The following ABL1 variants were observed in gnomAD, a reference collection of about 807,000 sequenced individuals.
ABL1 encodes ABL proto-oncogene 1, non-receptor tyrosine kinase, also known as tyrosine-protein kinase ABL1.
In ABL1, 11 loss-of-function variants were observed where a neutral mutation model predicts 94.7. That is an observed-to-expected ratio of 0.12 (90% CI 0.07 to 0.19). ABL1 has a LOEUF of 0.19. ABL1 is among the 10% of genes least tolerant of loss of function. The pLI, the probability that ABL1 is intolerant of heterozygous loss-of-function variation, is 1.00. For synonymous variants in ABL1, 656 were observed against 622.4 expected (o/e 1.05, Z -0.80); for missense variants, 1,082 against 1,489.4 (o/e 0.73, Z 4.50).
chr9:130,771,649 T>C (rs1443145070), intron 1 of ABL1, among the ~76,000 whole-genome samples: 1 of 152,090 alleles, frequency 6.6e-6, no homozygotes, highest in African/African-American at 2.4e-5. Context: ...ATTTTTAACC[T>C]AATGTGTTCT....
intron 3 of ABL1, among the ~76,000 whole-genome samples, chr9:130,861,659 G>A (rs1831073918): frequency 6.6e-6 from 1 of 151,930 alleles, no homozygotes; most frequent in Non-Finnish European, 1.5e-5. Flanking sequence ...TCCCAAATCT[G>A]CTCCTTCTTC....
In ABL1 at chr9:130,819,234, C is replaced by T. The variant is rs566904192; in HGVS notation, c.137-34830C>T. Among the ~76,000 whole-genome samples, 167 of 152,208 alleles carry T rather than the reference C, an allele frequency of 1.1e-3. 1 individual carries two copies. Among genetic ancestry groups the T allele is most frequent in the African/African-American group, 3.8e-3 (156 of 41,564 alleles). ...GAGCGTGGTGGCACATGCCTGTAGT[C>T]CCAGCTACTCGGGAGGCTGAGGCAG... On this transcript the variant is annotated intron_variant, in intron 1 of 10. Coordinates refer to the ABL1 transcript ENST00000372348.
chr9:130,794,871 G>C (rs1049864814), intron 1 of ABL1, among the ~76,000 whole-genome samples: 1 of 152,186 alleles, frequency 6.6e-6, no homozygotes, highest in East Asian at 1.9e-4. Flanking sequence ...TGACAAAAGT[G>C]TGCATTTTAG....
intron 1 of ABL1, among the ~76,000 whole-genome samples, chr9:130,772,234 C>T (rs1377841921): frequency 6.6e-6 from 1 of 152,176 alleles, no homozygotes; most frequent in Non-Finnish European, 1.5e-5. Flanking sequence ...CTGGTCTGGT[C>T]AGCTCACCTG....
chr9:130,878,480 T>C lies in ABL1; in HGVS notation c.1336T>C (p.Ser446Pro). Residue 446 changes from serine (S) to proline (P), a missense_variant, in exon 8 of 11, where the codon TCC becomes CCC. Physicochemically the swap from Ser to Pro is moderately conservative, Grantham distance 74. Transcript: ENST00000318560. The part of the protein sequence containing the change: ...GMSPYPGIDL[S>P]QVYELLEKDY... The stretch of plus-strand genomic sequence containing the variant: ...GTCCCCTTACCCGGGAATTGACCTG[T>C]CCCAGGTGTATGAGCTGCTAGAGAA... The C allele has an allele frequency of 6.2e-7, 1 of 1,614,226 alleles. No individual in the cohort carries two copies. The highest frequency in any genetic ancestry group is 8.5e-7 in the Non-Finnish European group (1 of 1,180,034).
chr9:130,778,575 T>C (rs1287624473), intron 1 of ABL1, among the ~76,000 whole-genome samples: 1 of 152,056 alleles, frequency 6.6e-6, no homozygotes, highest in Non-Finnish European at 1.5e-5. Context: ...ATCTTCATGT[T>C]TGGGGCTCTT....
chr9:130,861,142 C>T (rs78239992), intron 3 of ABL1, among the ~76,000 whole-genome samples: 1,886 of 152,274 alleles, frequency 0.012, 47 homozygotes, highest in African/African-American at 0.043. Context: ...ATTCAGCGGT[C>T]CTGTCTTGCA....
chr9:130,743,788 G>C (rs1831849684), intron 1 of ABL1, among the ~76,000 whole-genome samples: 1 of 152,102 alleles, frequency 6.6e-6, no homozygotes, highest in Admixed American at 6.6e-5. Flanking sequence ...CTGTGATTGA[G>C]ACATGGTCAC....
chr9:130,828,427 G>A (rs1038255927), intron 1 of ABL1, among the ~76,000 whole-genome samples: 1 of 152,224 alleles, frequency 6.6e-6, no homozygotes, highest in African/African-American at 2.4e-5. Context: ...AACAGAAGAT[G>A]TGGAAAATTG....
chr9:130,862,585 TAG>T lies in ABL1; in HGVS notation c.550-175_550-174del, dbSNP rs1175444980. Among the ~76,000 whole-genome samples the T allele has an allele frequency of 2.0e-5, 3 of 152,106 alleles. No homozygotes were observed. The highest frequency in any genetic ancestry group is 4.4e-5 in the Non-Finnish European group (3 of 68,024). On this transcript the variant is annotated intron_variant, in intron 3 of 10. Transcript: ENST00000318560. The surrounding 1 kb of genome is among the most constrained non-coding windows in gnomAD (Gnocchi z 5.5). Reference sequence around the variant, plus strand: ...TGTCTTTTTGCTTGAGCGAGTAACTTAGAGCACACGTAGAGAAAGACAGCAGA... The same window carrying T: ...TGTCTTTTTGCTTGAGCGAGTAACTTAGCACACGTAGAGAAAGACAGCAGA...
chr9:130,859,116 C>T lies in ABL1; in HGVS notation c.550-3647C>T, dbSNP rs534977948. ...AAGTTGTAACCCTCTGTTGACATAG[C>T]GGAATTGAAGATTGATTTTTCTTCA... On this transcript the variant is annotated intron_variant, in intron 3 of 10. Transcript: ENST00000318560. Among the ~76,000 whole-genome samples the T allele has an allele frequency of 3.3e-5, 5 of 152,266 alleles. No homozygotes were observed. The East Asian group carries it at 7.7e-4, about 23-fold the overall frequency.
chr9:130,713,415 G>A (rs1159870670), exon 1 of ABL1, among the ~76,000 whole-genome samples: 1 of 152,152 alleles, frequency 6.6e-6, no homozygotes, highest in African/African-American at 2.4e-5. Flanking sequence ...GGGACACCCC[G>A]TTTTCTGAGG....
chr9:130,741,921 G>C (rs1831825206), intron 1 of ABL1, among the ~76,000 whole-genome samples: 1 of 152,220 alleles, frequency 6.6e-6, no homozygotes, highest in Non-Finnish European at 1.5e-5. Context: ...GGATTGGTGA[G>C]TGCCACAGCT....
At chr9:130,761,617 G>A (rs1007379729) in intron 1 of ABL1, among the ~76,000 whole-genome samples, 1 of 152,100 alleles carries the variant, frequency 6.6e-6, no homozygotes, top group Non-Finnish European at 1.5e-5. Context: ...TTTCTTTTCC[G>A]CATCACGCGT....
At chr9:130,736,543 T>C (rs1480837622) in intron 1 of ABL1, among the ~76,000 whole-genome samples, 1 of 152,160 alleles carries the variant, frequency 6.6e-6, no homozygotes, top group Non-Finnish European at 1.5e-5. Flanking sequence ...CAGGCTGGAG[T>C]GCAGTAGTGT....
chr9:130,854,630 TG>T (rs1437343996), intron 2 of ABL1, among the ~76,000 whole-genome samples, 170 bp from the exon 3 acceptor site: 1 of 152,254 alleles, frequency 6.6e-6, no homozygotes, highest in Non-Finnish European at 1.5e-5. Context: ...AAGCTTCAAA[TG>T]TAAACGTGAA....
In ABL1 at chr9:130,876,859, C is replaced by T. The variant is rs577356663; in HGVS notation, c.1271-1556C>T. 9.6e-5 allele frequency among the ~76,000 whole-genome samples: 14 copies of T among 145,742 alleles called. 2 individuals are homozygous for T. Among genetic ancestry groups the T allele is most frequent in the Non-Finnish European group, 1.5e-4 (10 of 66,712 alleles). ...TCACGTCATTCTCCTGCCTCAGCCT[C>T]CCGAGTAGCTGAGACTATAGGCGCC... On this transcript the variant is annotated intron_variant, in intron 7 of 10. Coordinates refer to ENST00000318560, the MANE Select transcript of ABL1 (RefSeq NM_005157.6).
intron 1 of ABL1, among the ~76,000 whole-genome samples, chr9:130,759,981 T>C (rs1313021083): frequency 6.9e-6 from 1 of 145,916 alleles, no homozygotes; most frequent in East Asian, 2.0e-4. Flanking sequence ...TTTTTTTTTT[T>C]TTTTTTTTGG....
intron 1 of ABL1, among the ~76,000 whole-genome samples, chr9:130,783,032 C>T (rs1829778292): frequency 6.6e-6 from 1 of 152,192 alleles, no homozygotes. Flanking sequence ...CTCTCTTACA[C>T]CATCACATCA....
Sources: allele counts gnomAD v4.1 joint callset (sites outside exome capture counted in the v4.1 genomes callset), GRCh38; gene constraint gnomAD v4.1.1; non-coding constraint Gnocchi (gnomAD v3.1); transcripts MANE v1.5; gene names NCBI Gene and HGNC (gene_info 2026-07-23, HGNC 2026-07-21).